PAK1: variants seen among roughly 807,000 people sequenced by gnomAD.
PAK1 encodes the protein p21 (RAC1) activated kinase 1, also known as serine/threonine-protein kinase PAK 1.
A neutral mutation model predicts 67.4 loss-of-function variants in PAK1; 29 were observed. The observed-to-expected ratio is 0.43, with a 90% CI of 0.32 to 0.59. The LOEUF (loss-of-function observed/expected upper bound fraction) is 0.59, where lower values mean the gene tolerates loss of function less well. Ranked by LOEUF, PAK1 falls within the 20% of genes least tolerant of loss-of-function variation. The pLI, the probability that PAK1 is intolerant of heterozygous loss-of-function variation, is 0.07. For missense variants in PAK1, 337 were observed against 670.7 expected, an observed-to-expected ratio of 0.50 and a Z score of 5.50; for synonymous variants, 223 against 237.4, an observed-to-expected ratio of 0.94 and a Z score of 0.56.
chr11:77,394,713 C>T (rs567070643), intron 1 of PAK1, among the ~76,000 whole-genome samples: 6 of 152,162 alleles, frequency 3.9e-5, no homozygotes, highest in East Asian at 3.9e-4. Flanking sequence ...GGCATGGTGG[C>T]GCGCGCCTGT....
intron 1 of PAK1, among the ~76,000 whole-genome samples, chr11:77,459,793 C>T (rs981420550): frequency 2.8e-5 from 4 of 143,582 alleles, no homozygotes; most frequent in Non-Finnish European, 4.7e-5. Flanking sequence ...CCCGGGTTCA[C>T]GCCATTCTCC....
At chr11:77,370,612 T>G (rs1461779336) in intron 5 of PAK1, among the ~76,000 whole-genome samples, 1 of 152,252 alleles carries the variant, frequency 6.6e-6, no homozygotes, top group Non-Finnish European at 1.5e-5. Flanking sequence ...CTGTGGCTTC[T>G]TCTGCTCTGA....
At chr11:77,451,597 G>T (rs1234565767) in intron 1 of PAK1, among the ~76,000 whole-genome samples, 5 of 148,132 alleles carry the variant, frequency 3.4e-5, no homozygotes, top group African/African-American at 5.1e-5. Context: ...AATGTCTTTT[G>T]TTTTTTTTTG....
intron 1 of PAK1, among the ~76,000 whole-genome samples, chr11:77,459,917 C>G (rs1370124164): frequency 6.6e-6 from 1 of 151,798 alleles, no homozygotes; most frequent in Non-Finnish European, 1.5e-5. Context: ...AGGATGGTCT[C>G]GATCTCCTGA....
chr11:77,487,527 T>C, the PAK1 span, among the ~76,000 whole-genome samples: 1 of 151,700 alleles, frequency 6.6e-6, no homozygotes, highest in East Asian at 1.9e-4. Flanking sequence ...GGCCTTGGCT[T>C]GTGGATGGCA....
chr11:77,406,357 T>C (rs1207302987), intron 1 of PAK1, among the ~76,000 whole-genome samples: 1 of 152,212 alleles, frequency 6.6e-6, no homozygotes, highest in African/African-American at 2.4e-5. Flanking sequence ...GTTGTAATTA[T>C]ATTTGTTTAC....
chr11:77,354,411 T>C (rs1209854676), intron 7 of PAK1, among the ~76,000 whole-genome samples: 2 of 152,172 alleles, frequency 1.3e-5, no homozygotes, highest in African/African-American at 4.8e-5. Context: ...GAGACAAGTA[T>C]TAACATCCCT....
chr11:77,410,432 T>C (rs1297664652), intron 1 of PAK1, among the ~76,000 whole-genome samples: 1 of 152,084 alleles, frequency 6.6e-6, no homozygotes, highest in Non-Finnish European at 1.5e-5. Context: ...GAAGATAGAA[T>C]TTGGAGGTAA....
At chr11:77,526,325 C>T in the PAK1 span, among the ~76,000 whole-genome samples, 1 of 152,042 alleles carries the variant, frequency 6.6e-6, no homozygotes, top group African/African-American at 2.4e-5. Flanking sequence ...AACCAAATAA[C>T]GTGTGGAGGG....
chr11:77,367,477 G>A (rs1947762628), intron 5 of PAK1, among the ~76,000 whole-genome samples: 1 of 152,054 alleles, frequency 6.6e-6, no homozygotes. Flanking sequence ...CTTCCTTAGA[G>A]ATAAGAAAAT....
chr11:77,346,671 G>A (rs1340328384), intron 9 of PAK1, among the ~76,000 whole-genome samples: 1 of 152,180 alleles, frequency 6.6e-6, no homozygotes, highest in Non-Finnish European at 1.5e-5. Context: ...CACCGCTACT[G>A]TTTATCAAAT....
intron 1 of PAK1, among the ~76,000 whole-genome samples, chr11:77,450,165 A>T (rs773495770): frequency 2.0e-5 from 3 of 152,202 alleles, no homozygotes; most frequent in Non-Finnish European, 4.4e-5. Context: ...ATATGCTCAG[A>T]AGGTATTTAC....
At chr11:77,344,825 T>C (rs893863049) in intron 9 of PAK1, among the ~76,000 whole-genome samples, 1 of 152,224 alleles carries the variant, frequency 6.6e-6, no homozygotes. Context: ...ACATGGCTCC[T>C]GGTTGCCTAG....
At chr11:77,469,211 T>C (rs940624871) in intron 1 of PAK1, among the ~76,000 whole-genome samples, 5 of 152,208 alleles carry the variant, frequency 3.3e-5, no homozygotes, top group African/African-American at 1.2e-4. Context: ...ACTAGAATTG[T>C]TGGTCTGCCA....
chr11:77,332,482 AG>A (rs2136116821), intron 14 of PAK1, among the ~76,000 whole-genome samples: 1 of 150,800 alleles, frequency 6.6e-6, no homozygotes, highest in African/African-American at 2.4e-5. Context: ...AAAGCTCAAT[AG>A]GTGCTCAGAA....
Position 77,355,598 on chromosome 11 carries a change from C to T in PAK1, c.772+70G>A, listed in dbSNP as rs148674167. The T allele has an allele frequency of 6.8e-3, 9,024 of 1,322,018 alleles. 53 individuals are homozygous for T. Among genetic ancestry groups the T allele is most frequent in the Non-Finnish European group, 8.1e-3 (7,500 of 930,472 alleles). The allele number at this position is 1,322,018 out of a possible 1,614,324, so 81.9% of individuals were successfully genotyped here. A position where few individuals can be genotyped will look rare whatever the true frequency, so the allele number is the denominator to read the frequency against. ...CAGCCAGCTGCATGGACCAAGCCTA[C>T]GACCAGCAAATCTCTGTGCTTGACC... On this transcript the variant is annotated intron_variant, in intron 7 of 14. Coordinates refer to ENST00000356341, the MANE Select transcript of PAK1 (RefSeq NM_002576.5).
chr11:77,323,387 C>T, intron 14 of PAK1, 27 bp from the exon 15 acceptor site: 2 of 1,379,528 alleles, frequency 1.4e-6, no homozygotes, highest in Non-Finnish European at 2.1e-6. Context: ...TAGCAAAAGA[C>T]ACATGACTAT....
chr11:77,525,353 T>C, the PAK1 span, among the ~76,000 whole-genome samples: 44 of 151,346 alleles, frequency 2.9e-4, no homozygotes, highest in Admixed American at 1.5e-3. Context: ...AAAAAAAGTG[T>C]GAAATTAAAA....
chr11:77,495,898 AAGG>A, the PAK1 span, among the ~76,000 whole-genome samples: 1,286 of 152,270 alleles, frequency 8.4e-3, 4 homozygotes, highest in Non-Finnish European at 0.014. Flanking sequence ...AGGGGAGAGA[AAGG>A]AGGTTATTGT....
Sources: allele counts gnomAD v4.1 joint callset (sites outside exome capture counted in the v4.1 genomes callset), GRCh38; gene constraint gnomAD v4.1.1; transcripts MANE v1.5; gene names NCBI Gene and HGNC (gene_info 2026-07-23, HGNC 2026-07-21).